The following FEZ2 variants were observed in gnomAD, a reference collection of about 807,000 sequenced individuals.
The protein encoded by FEZ2 is fasciculation and elongation protein zeta 2, also known as fasciculation and elongation protein zeta-2.
Under a neutral mutation model 40.4 loss-of-function variants are expected in FEZ2, and 51 were observed. The ratio of observed to expected loss-of-function variants is 1.26; its 90% CI spans 1.01 to 1.59. FEZ2 has a LOEUF of 1.59. Ranked by LOEUF, FEZ2 falls within the 40% of genes most tolerant of loss-of-function variation. FEZ2 has a pLI of 0.00. For missense variants in FEZ2, 640 were observed against 438.3 expected (o/e 1.46, Z -4.11); for synonymous variants, 242 against 172.0 (o/e 1.41, Z -3.18).
chr2:36,591,668 G>C (rs935019043), intron 1 of FEZ2: 2 of 152,284 alleles, frequency 1.3e-5, no homozygotes, highest in East Asian at 3.8e-4. Flanking sequence ...AACACACCCA[G>C]GCTCTATCCA....
chr2:36,575,211 T>G (rs1019740135), intron 5 of FEZ2, among the ~76,000 whole-genome samples: 2 of 152,248 alleles, frequency 1.3e-5, no homozygotes, highest in African/African-American at 4.8e-5. Context: ...TTCTGTTTTT[T>G]GTTTGAGACA....
At chr2:36,584,499 A>C (rs1668843828) in intron 2 of FEZ2, among the ~76,000 whole-genome samples, 1 of 152,212 alleles carries the variant, frequency 6.6e-6, no homozygotes, top group East Asian at 1.9e-4. Flanking sequence ...GAACAAGGGA[A>C]CATCTGTCTA....
chr2:36,582,347 C>T (rs1427964336), intron 3 of FEZ2, among the ~76,000 whole-genome samples: 1 of 151,990 alleles, frequency 6.6e-6, no homozygotes, highest in Non-Finnish European at 1.5e-5. Flanking sequence ...AAAGGCAAAT[C>T]TGAAGGAGAT....
chr2:36,565,952 T>A (rs1253000735), intron 5 of FEZ2, among the ~76,000 whole-genome samples: 1 of 152,150 alleles, frequency 6.6e-6, no homozygotes, highest in African/African-American at 2.4e-5. Flanking sequence ...GGGGGCAAAA[T>A]TGGCCTGGTT....
In FEZ2 at chr2:36,597,868, C is replaced by T. The variant is rs1336584718; in HGVS notation, c.266+9G>A. ...TCCCGCCCACTCCCGGCCGGGGCCC[C>T]GCACTCACTCGTCCCCCTGCAGGAG... is the stretch of plus-strand genomic sequence containing the variant. On this transcript the variant is annotated intron_variant, in intron 1 of 7. Transcript: ENST00000405912. 2 of 1,354,774 alleles carry T rather than the reference C, an allele frequency of 1.5e-6. No individual in the cohort carries two copies. Among genetic ancestry groups the T allele is most frequent in the Non-Finnish European group, 1.9e-6 (2 of 1,058,578 alleles). 83.9% of individuals were successfully genotyped at this position (1,354,774 alleles called of 1,614,324 possible). A position where few individuals can be genotyped will look rare whatever the true frequency, so the allele number is the denominator to read the frequency against.
chr2:36,572,734 T>TA (rs1481466173), intron 5 of FEZ2, among the ~76,000 whole-genome samples: 1 of 152,166 alleles, frequency 6.6e-6, no homozygotes, highest in Non-Finnish European at 1.5e-5. Flanking sequence ...AATGTGCTGT[T>TA]AAAAAAATTC....
At chr2:36,586,065 T>C (rs1668890383) in intron 2 of FEZ2, among the ~76,000 whole-genome samples, 1 of 151,634 alleles carries the variant, frequency 6.6e-6, no homozygotes, top group African/African-American at 2.4e-5. Flanking sequence ...CCTTTAATAA[T>C]TTAATTTTTT....
At chr2:36,582,055 A>C (rs1254815302) in intron 3 of FEZ2, among the ~76,000 whole-genome samples, 1 of 152,168 alleles carries the variant, frequency 6.6e-6, no homozygotes, top group Non-Finnish European at 1.5e-5. Flanking sequence ...AAACTTCAGA[A>C]ATACATTTGA....
At chr2:36,578,409 C>T (rs1488018008) in intron 5 of FEZ2, among the ~76,000 whole-genome samples, 188 bp downstream of exon 5, 5 of 152,314 alleles carry the variant, frequency 3.3e-5, no homozygotes, top group Non-Finnish European at 5.9e-5. Flanking sequence ...ACACCCTAGT[C>T]AAGAAAACGA....
At chr2:36,589,042 C>A (rs1668992779) in intron 2 of FEZ2, among the ~76,000 whole-genome samples, 1 of 152,206 alleles carries the variant, frequency 6.6e-6, no homozygotes, top group South Asian at 2.1e-4. Context: ...TAAAACCTTT[C>A]TATCACGATC....
At chr2:36,596,183 G>C (rs191293270) in intron 1 of FEZ2, among the ~76,000 whole-genome samples, 3 of 152,268 alleles carry the variant, frequency 2.0e-5, no homozygotes, top group Admixed American at 2.0e-4. Context: ...CACCTGGGCA[G>C]AACACTGTAC....
intron 1 of FEZ2, 83 bp downstream of exon 1, chr2:36,597,794 G>A (rs1266244285): frequency 1.5e-5 from 15 of 1,022,486 alleles, no homozygotes; most frequent in South Asian, 8.8e-5. Context: ...AGGGCGCAGG[G>A]AGGAGCTGCG....
At chr2:36,576,728 T>C (rs1272595866) in intron 5 of FEZ2, among the ~76,000 whole-genome samples, 1 of 152,238 alleles carries the variant, frequency 6.6e-6, no homozygotes, top group Non-Finnish European at 1.5e-5. Flanking sequence ...ACTATGAATC[T>C]ATTTCAAGAC....
Position 36,581,565 on chromosome 2 carries a change from G to A in FEZ2, c.493-134C>T, listed in dbSNP as rs537437462. The A allele has an allele frequency of 5.6e-6, 4 of 718,358 alleles. No homozygotes were observed. The East Asian group carries it at 8.1e-5, about 15-fold the overall frequency. The allele number at this position is 718,358 out of a possible 1,614,324, so 44.5% of individuals were successfully genotyped here. On this transcript the variant is annotated intron_variant, in intron 3 of 7. Transcript: ENST00000405912. ...CATTAACCAATGGTGTTCAGGTGTG[G>A]ATGCTCCAAATAATCAAAATTTTTA...
intron 2 of FEZ2, among the ~76,000 whole-genome samples, chr2:36,585,568 G>A (rs1443999599): frequency 6.6e-6 from 1 of 152,176 alleles, no homozygotes; most frequent in Non-Finnish European, 1.5e-5. Flanking sequence ...ACTAAAATGA[G>A]TTCTACGGCT....
At chr2:36,597,801 T>C in intron 1 of FEZ2, 76 bp downstream of exon 1, 1 of 1,003,040 alleles carries the variant, frequency 1.0e-6, no homozygotes, top group Non-Finnish European at 1.2e-6. Flanking sequence ...AGGGAGGAGC[T>C]GCGGCCGTAG....
intron 5 of FEZ2, among the ~76,000 whole-genome samples, chr2:36,568,132 GCT>G (rs1668299531): frequency 6.6e-6 from 1 of 152,004 alleles, no homozygotes; most frequent in African/African-American, 2.4e-5. Context: ...TTTTCTCTAT[GCT>G]TAAATTTTAT....
chr2:36,554,661 C>A (rs1340437972), intron 7 of FEZ2, among the ~76,000 whole-genome samples: 1 of 152,194 alleles, frequency 6.6e-6, no homozygotes, highest in Non-Finnish European at 1.5e-5. Flanking sequence ...CCAGTGTCAA[C>A]CCACTAGTGT....
chr2:36,580,972 C>T (rs1359282070), intron 4 of FEZ2, among the ~76,000 whole-genome samples: 4 of 151,922 alleles, frequency 2.6e-5, no homozygotes, highest in East Asian at 1.9e-4. Context: ...GCCAACATGA[C>T]GAAACCCCGT....
Sources: gnomAD v4.1 joint callset for allele counts (sites outside exome capture counted in the v4.1 genomes callset) on GRCh38, gnomAD v4.1.1 for gene constraint, MANE v1.5 for transcripts, NCBI Gene and HGNC (gene_info 2026-07-23, HGNC 2026-07-21) for gene names.